UHMK1: variants seen among roughly 807,000 people sequenced by gnomAD.
UHMK1 encodes U2AF homology motif kinase 1.
UHMK1 carries 18 observed loss-of-function variants against 44.0 expected under a neutral mutation model. The ratio of observed to expected loss-of-function variants is 0.41; its 90% CI spans 0.28 to 0.61. UHMK1 has a LOEUF of 0.61. Among genes scored for constraint, UHMK1 ranks in the 20% least tolerant of loss-of-function variants. The pLI is 0.31. For missense variants in UHMK1, 463 were observed against 522.5 expected (o/e 0.89, Z 1.11); for synonymous variants, 231 against 198.5 (o/e 1.16, Z -1.38).
At chr1:162,501,817 G>A (rs1381768862) in intron 3 of UHMK1, among the ~76,000 whole-genome samples, 1 of 151,766 alleles carries the variant, frequency 6.6e-6, no homozygotes, top group African/African-American at 2.4e-5. Context: ...GCTGGGCATG[G>A]TGGCTCACAC....
At chr1:162,521,206 AAAAT>A (rs1423016731) in intron 7 of UHMK1, among the ~76,000 whole-genome samples, 1 of 152,214 alleles carries the variant, frequency 6.6e-6, no homozygotes, top group African/African-American at 2.4e-5. Context: ...TGCAATTATA[AAAAT>A]AATCAGAATT....
At chr1:162,508,744 A>G (rs1651564665) in intron 4 of UHMK1, among the ~76,000 whole-genome samples, 2 of 150,544 alleles carry the variant, frequency 1.3e-5, no homozygotes, top group South Asian at 4.2e-4. Context: ...TCTTTCTGGC[A>G]TACATTATCT....
At position 162,501,009 on chromosome 1, in the gene UHMK1, A is replaced by G. The variant is rs1257528633; in HGVS notation, c.658A>G (p.Thr220Ala). 1.2e-6 allele frequency: 2 copies of G among 1,614,070 alleles called. No individual in the cohort carries two copies. The highest frequency in any genetic ancestry group is 1.7e-6 in the Non-Finnish European group (2 of 1,180,012). ...QAGLQSDTEC[T>A]SAVDLWSLGI... is the part of the protein sequence containing the mutation. ...TGGCCTGCAGAGTGATACAGAATGT[A>G]CCTCAGCTGTTGATCTGTGGAGCCT... Residue 220 changes from threonine to alanine, a missense_variant, in exon 3 of 8, where the codon ACC becomes GCC. By Grantham distance (58) the Thr-to-Ala change is moderately conservative. This residue lies in a region of UHMK1 where 264 missense variants were observed against 326.3 expected (regional missense o/e 0.81). Transcript: ENST00000489294.
chr1:162,497,671 A>G, upstream of UHMK1: 1 of 727,652 alleles, frequency 1.4e-6, no homozygotes, highest in Non-Finnish European at 1.9e-6. Flanking sequence ...TGGGCCTGGA[A>G]TGGTAGATAC....
At chr1:162,497,780 G>C, upstream of UHMK1, 2 of 1,200,652 alleles carry the variant, frequency 1.7e-6, no homozygotes, top group Non-Finnish European at 2.1e-6. Context: ...CCCCTCCTTC[G>C]GCCTGTATGA....
intron 4 of UHMK1, among the ~76,000 whole-genome samples, chr1:162,506,721 C>G (rs1185871358): frequency 6.6e-6 from 1 of 152,038 alleles, no homozygotes; most frequent in Non-Finnish European, 1.5e-5. Flanking sequence ...AAAAAGTAGC[C>G]GGGCCTGGTG....
chr1:162,515,913 A>C (rs1651820106), intron 6 of UHMK1, among the ~76,000 whole-genome samples: 1 of 152,086 alleles, frequency 6.6e-6, no homozygotes, highest in Admixed American at 6.5e-5. Flanking sequence ...GGGCGCCTGT[A>C]GTCCCAGCTA....
At position 162,499,799 on chromosome 1, in the gene UHMK1, A is replaced by G. The variant is rs78674848; in HGVS notation, c.269-156A>G. On this transcript the variant is annotated intron_variant, in intron 1 of 7. Transcript: ENST00000489294. ...TTTTTATTAAAATAACCCAATTGCC[A>G]AAAGATCTTATTCATGGGAAAAATA... 5.4e-3 allele frequency among the ~76,000 whole-genome samples: 823 copies of G among 152,270 alleles called. 23 individuals carry two copies. The highest frequency in any genetic ancestry group is 0.046 in the Admixed American group (708 of 15,290).
chr1:162,506,691 C>T (rs780089628), intron 4 of UHMK1, among the ~76,000 whole-genome samples: 4 of 152,118 alleles, frequency 2.6e-5, no homozygotes, highest in Middle Eastern at 3.4e-3. Flanking sequence ...GGTGAAACCC[C>T]GTCTCTACTA....
At position 162,522,627 on chromosome 1, in the gene UHMK1, C is replaced by T. The variant is rs1427254891; in HGVS notation, c.*77C>T. ...TTCCACATATGAATGCAGGACTACC[C>T]CCTTACCATTTTAAGAAGGTACTTT... On this transcript the variant is annotated 3_prime_UTR_variant, in exon 8 of 8. Coordinates refer to ENST00000489294, the MANE Select transcript of UHMK1 (RefSeq NM_175866.5). 2.8e-5 allele frequency: 40 copies of T among 1,443,736 alleles called. No individual in the cohort carries two copies. The highest frequency in any genetic ancestry group is 3.4e-5 in the Non-Finnish European group (36 of 1,058,182). 89.4% of individuals were successfully genotyped at this position (1,443,736 alleles called of 1,614,324 possible).
In UHMK1 at chr1:162,515,902, C is replaced by T. The variant is rs368821849; in HGVS notation, c.1025-2200C>T. On this transcript the variant is annotated intron_variant, in intron 6 of 7. Coordinates refer to ENST00000489294, the MANE Select transcript of UHMK1 (RefSeq NM_175866.5). ...ACAAAAAATTAGCCGGGCGTGGTGG[C>T]GGGCGCCTGTAGTCCCAGCTACTCG... Among the ~76,000 whole-genome samples the T allele has an allele frequency of 2.6e-5, 4 of 151,974 alleles. No individual in the cohort carries two copies. In the South Asian group the frequency reaches 6.2e-4, roughly 24 times the overall value.
chr1:162,497,380 C>T, upstream of UHMK1: 1 of 662,376 alleles, frequency 1.5e-6, no homozygotes, highest in Non-Finnish European at 2.7e-6. Flanking sequence ...AAGTCCATTC[C>T]GATGGTTGGC....
At chr1:162,509,769 A>G (rs1040890810) in intron 4 of UHMK1, among the ~76,000 whole-genome samples, 4 of 152,054 alleles carry the variant, frequency 2.6e-5, no homozygotes, top group Non-Finnish European at 5.9e-5. Flanking sequence ...AGCCTCCCCA[A>G]ATAGCTGGGA....
upstream of UHMK1, chr1:162,497,269 A>G: frequency 1.4e-6 from 1 of 702,816 alleles, no homozygotes; most frequent in Non-Finnish European, 2.6e-6. Context: ...TACCAGACCG[A>G]AGGTCTGTGT....
chr1:162,511,430 G>T (rs780343196), intron 4 of UHMK1, among the ~76,000 whole-genome samples: 3 of 151,980 alleles, frequency 2.0e-5, no homozygotes, highest in Non-Finnish European at 4.4e-5. Flanking sequence ...GCCTCCCAAA[G>T]TTCTGGGATT....
At chr1:162,517,768 C>T (rs1303436220) in intron 6 of UHMK1, among the ~76,000 whole-genome samples, 10 of 151,974 alleles carry the variant, frequency 6.6e-5, no homozygotes, top group Non-Finnish European at 1.3e-4. Flanking sequence ...GCCTGTAGTC[C>T]CAGCTACTCG....
chr1:162,509,381 G>A (rs746633816), intron 4 of UHMK1, among the ~76,000 whole-genome samples: 4 of 152,164 alleles, frequency 2.6e-5, no homozygotes, highest in Non-Finnish European at 4.4e-5. Context: ...AGAGGTCTTA[G>A]TGTCTAGATT....
rs948907719 is a variant in UHMK1 at position 162,528,641 on chromosome 1, C to A, written c.*6091C>A. 9 of 148,114 alleles carry A rather than the reference C, an allele frequency of 6.1e-5. No homozygotes were observed. The highest frequency in any genetic ancestry group is 1.0e-4 in the Non-Finnish European group (7 of 66,898). The allele number at this position is 148,114 out of a possible 1,614,324, so 9.2% of individuals were successfully genotyped here. On this transcript the variant is annotated 3_prime_UTR_variant, in exon 8 of 8. Coordinates refer to ENST00000489294, the MANE Select transcript of UHMK1 (RefSeq NM_175866.5). ...TGCACTAGCTGCAAAGTCACAGCAC[C>A]TTATGGAAATAAGTATGTTTATTAT...
At chr1:162,506,154 A>G (rs1651459104) in intron 4 of UHMK1, among the ~76,000 whole-genome samples, 1 of 151,632 alleles carries the variant, frequency 6.6e-6, no homozygotes, top group Non-Finnish European at 1.5e-5. Flanking sequence ...AATGGATTCT[A>G]GCCTGGAAGT....
Sources: gnomAD v4.1 joint callset for allele counts (sites outside exome capture counted in the v4.1 genomes callset) on GRCh38, gnomAD v4.1.1 for gene constraint, gnomAD v4.1.1 regional missense constraint, MANE v1.5 for transcripts, NCBI Gene and HGNC (gene_info 2026-07-23, HGNC 2026-07-21) for gene names.